Variants in LRCH3 observed in about 807,000 individuals in gnomAD.
LRCH3 encodes the protein DISP complex protein LRCH3.
LRCH3 carries 68 observed loss-of-function variants against 104.5 expected under a neutral mutation model. That is an observed-to-expected ratio of 0.65 (90% CI 0.54 to 0.80). LRCH3 has a LOEUF of 0.80. Ranked by LOEUF, LRCH3 falls within the 30% of genes least tolerant of loss-of-function variation. LRCH3 has a pLI of 0.00. For synonymous variants in LRCH3, 344 were observed against 361.3 expected (o/e 0.95, Z 0.54); for missense variants, 951 against 953.9 (o/e 1.00, Z 0.04).
chr3:197,809,438 T>G (rs1732871823), intron 1 of LRCH3, among the ~76,000 whole-genome samples: 1 of 152,248 alleles, frequency 6.6e-6, no homozygotes, highest in Non-Finnish European at 1.5e-5. Flanking sequence ...CTTGCCAAAC[T>G]TAGGAAGCTT....
In LRCH3 at chr3:197,885,225, T is replaced by C. The variant is rs573185338; in HGVS notation, c.*1559T>C. The C allele has an allele frequency of 1.5e-4, 23 of 152,394 alleles. No homozygotes were observed. Among genetic ancestry groups the C allele is most frequent in the African/African-American group, 5.5e-4 (23 of 41,586 alleles). 9.4% of individuals were successfully genotyped at this position (152,394 alleles called of 1,614,324 possible). A position where few individuals can be genotyped will look rare whatever the true frequency, so the allele number is the denominator to read the frequency against. On this transcript the variant is annotated 3_prime_UTR_variant, in exon 21 of 21. Coordinates refer to ENST00000425562, the MANE Select transcript of LRCH3 (RefSeq NM_001365715.1). ...ATCTGGGCCTGCAGACACATTGCAG[T>C]TACAGCACATACACTTCTAGCTCGG... is the stretch of plus-strand genomic sequence containing the variant.
Position 197,830,774 on chromosome 3 carries a change from G to A in LRCH3, c.892G>A (p.Glu298Lys), listed in dbSNP as rs745547740. The A allele has an allele frequency of 6.2e-7, 1 of 1,613,142 alleles. No individual in the cohort carries two copies. The highest frequency in any genetic ancestry group is 1.7e-5 in the Admixed American group (1 of 59,932). Residue 298 changes from glutamate to lysine, a missense_variant, in exon 7 of 21, where the codon GAA becomes AAA. Coordinates refer to ENST00000425562, the MANE Select transcript of LRCH3 (RefSeq NM_001365715.1). ...AACAGAGTCTCTTTTCGGCAGCCATGAAGAACTGTACTCAAGTCGCCCTTA... is the reference window on the plus strand; with the variant it reads ...AACAGAGTCTCTTTTCGGCAGCCATAAAGAACTGTACTCAAGTCGCCCTTA... ...RRPLGFGSCH[E>K]ELYSSRPYGA...
At position 197,875,710 on chromosome 3, in the gene LRCH3, A is replaced by G; in HGVS notation, c.2143A>G (p.Met715Val). 2 of 1,534,536 alleles carry G rather than the reference A, an allele frequency of 1.3e-6. No individual in the cohort carries two copies. Among genetic ancestry groups the G allele is most frequent in the East Asian group, 2.4e-5 (1 of 40,914 alleles). ...VPSPAVPKLT[M>V]AKCRRNVENF... Reference sequence around the variant, plus strand: ...TTCCTCATTTCAGCCTAAATTAACAATGGCGAAATGCAGGCGAAATGTGGA... The same window carrying G: ...TTCCTCATTTCAGCCTAAATTAACAGTGGCGAAATGCAGGCGAAATGTGGA... The change falls in exon 20 of 21, where the codon ATG (methionine) becomes GTG (valine). Residue 715 changes from methionine to valine, a missense_variant. Coordinates refer to ENST00000425562, the MANE Select transcript of LRCH3 (RefSeq NM_001365715.1).
At chr3:197,839,537 G>A (rs190018020) in intron 10 of LRCH3, 140 bp downstream of exon 10, 3 of 519,628 alleles carry the variant, frequency 5.8e-6, no homozygotes, top group Admixed American at 4.1e-5. Flanking sequence ...GTGCTTTTTT[G>A]TACTCATGCC....
At chr3:197,796,667 A>G (rs1731240892) in intron 1 of LRCH3, among the ~76,000 whole-genome samples, 1 of 152,198 alleles carries the variant, frequency 6.6e-6, no homozygotes, top group African/African-American at 2.4e-5. Flanking sequence ...AGTTGTAAAT[A>G]CTATTTTTGA....
intron 1 of LRCH3, among the ~76,000 whole-genome samples, chr3:197,797,780 T>C (rs1461479977): frequency 2.1e-5 from 3 of 144,968 alleles, no homozygotes; most frequent in Admixed American, 7.2e-5. Context: ...GAATCGCTTG[T>C]GCCGGGGAGG....
chr3:197,847,934 A>G lies in LRCH3; in HGVS notation c.1443A>G (p.Arg481=). 1 of 1,614,094 alleles carries G rather than the reference A, an allele frequency of 6.2e-7. No homozygotes were observed. Among genetic ancestry groups the G allele is most frequent in the Non-Finnish European group, 8.5e-7 (1 of 1,179,976 alleles). The change falls in exon 12 of 21, where the codon AGA becomes AGG. Residue 481 remains arginine, a synonymous_variant. Transcript: ENST00000425562. Reference sequence around the variant, plus strand: ...AGCAGTTAGTAGAGCGCACTCGGAGAGAGGCTCAGCTTGCTGCCCTGCAGT... The same window carrying G: ...AGCAGTTAGTAGAGCGCACTCGGAGGGAGGCTCAGCTTGCTGCCCTGCAGT... ...RREQLVERTR[R]EAQLAALQYE... is the part of the protein sequence containing the mutation.
chr3:197,792,747 G>GT (rs1730761237), intron 1 of LRCH3, among the ~76,000 whole-genome samples: 1 of 148,426 alleles, frequency 6.7e-6, no homozygotes, highest in African/African-American at 2.5e-5. Context: ...TGCCTCCCAG[G>GT]CTCAGGTGAT....
At chr3:197,805,958 C>T (rs937416066) in intron 1 of LRCH3, among the ~76,000 whole-genome samples, 3 of 151,902 alleles carry the variant, frequency 2.0e-5, no homozygotes, top group Admixed American at 6.6e-5. Flanking sequence ...CGGAATTTCA[C>T]TCTTGTTGCC....
At chr3:197,815,252 C>T (rs757379017) in intron 2 of LRCH3, among the ~76,000 whole-genome samples, 200 bp downstream of exon 2, 27 of 152,040 alleles carry the variant, frequency 1.8e-4, no homozygotes, top group Non-Finnish European at 3.2e-4. Context: ...ACAGATGCTC[C>T]CTGACTTACT....
chr3:197,834,550 C>T (rs1445025707), intron 8 of LRCH3, among the ~76,000 whole-genome samples: 1 of 152,148 alleles, frequency 6.6e-6, no homozygotes, highest in Non-Finnish European at 1.5e-5. Context: ...TTGTGTGTGG[C>T]CTTTGACTTT....
At chr3:197,825,482 T>TC (rs1735070834) in intron 4 of LRCH3, among the ~76,000 whole-genome samples, 1 of 101,420 alleles carries the variant, frequency 9.9e-6, no homozygotes, top group African/African-American at 3.9e-5. Flanking sequence ...TTTTTTTTTT[T>TC]TTTTTTTTTT....
chr3:197,839,897 G>A (rs1473927104), intron 10 of LRCH3, among the ~76,000 whole-genome samples: 1 of 151,724 alleles, frequency 6.6e-6, no homozygotes, highest in Non-Finnish European at 1.5e-5. Context: ...CGCTCGAACT[G>A]GGAGGGTGAG....
At chr3:197,835,527 T>G in intron 8 of LRCH3, 147 bp from the exon 9 acceptor site, 1 of 975,000 alleles carries the variant, frequency 1.0e-6, no homozygotes, top group Non-Finnish European at 1.4e-6. Context: ...AAGACTTAAG[T>G]AATTTAAAGT....
At position 197,875,771 on chromosome 3, in the gene LRCH3, C is replaced by G. The variant is rs770589838; in HGVS notation, c.2204C>G (p.Pro735Arg). 1 of 1,527,268 alleles carries G rather than the reference C, an allele frequency of 6.5e-7. No homozygotes were observed. The highest frequency in any genetic ancestry group is 1.2e-5 in the South Asian group (1 of 83,700). 94.6% of individuals were successfully genotyped at this position (1,527,268 alleles called of 1,614,324 possible). The change falls in exon 20 of 21, where the codon CCT becomes CGT. Residue 735 changes from proline to arginine, a missense_variant. By Grantham distance (103) the Pro-to-Arg change is moderately radical. Transcript: ENST00000425562. Reference sequence around the variant, plus strand: ...GAAGCTTGCAGAAAAATTGGTGTACCTCAGGTAATAAATTTATCATTTTTT... The same window carrying G: ...GAAGCTTGCAGAAAAATTGGTGTACGTCAGGTAATAAATTTATCATTTTTT... ...FLEACRKIGVPQEQLCLPLHI... is the reference protein window; with the variant it reads ...FLEACRKIGVRQEQLCLPLHI...
intron 12 of LRCH3, among the ~76,000 whole-genome samples, chr3:197,849,406 C>T (rs1423549472): frequency 6.6e-6 from 1 of 151,518 alleles, no homozygotes; most frequent in Admixed American, 6.6e-5. Flanking sequence ...GATGTTTCTT[C>T]TTTTTGTGCC....
chr3:197,875,657 C>G, intron 19 of LRCH3, 41 bp from the exon 20 acceptor site: 1 of 1,479,256 alleles, frequency 6.8e-7, no homozygotes, highest in Middle Eastern at 2.2e-4. Context: ...GTCCCAGAAA[C>G]AAAACTTCTC....
In LRCH3 at chr3:197,824,151, G is replaced by A. The variant is rs1183908271; in HGVS notation, c.641-2727G>A. 5.3e-5 allele frequency among the ~76,000 whole-genome samples: 8 copies of A among 151,294 alleles called. No homozygotes were observed. The East Asian group carries it at 9.7e-4, about 18-fold the overall frequency. ...ATGATCTTGGCTCACTGCAGCCTCC[G>A]CCTCTCGGGTTCAAGCAATTCTCCT... On this transcript the variant is annotated intron_variant, in intron 4 of 20. Transcript: ENST00000425562.
At position 197,858,953 on chromosome 3, in the gene LRCH3, A is replaced by G. The variant is rs746708394; in HGVS notation, c.1716+48A>G. 7.6e-6 allele frequency: 11 copies of G among 1,446,580 alleles called. No individual in the cohort carries two copies. In the African/African-American group the frequency reaches 1.5e-4, roughly 20 times the overall value. 89.6% of individuals were successfully genotyped at this position (1,446,580 alleles called of 1,614,324 possible). ...ACCAGGAAGTTTGGGGAGGAGGTGGATATAAGGTCTTGAATTTTTTGGTGA... is the reference window on the plus strand; with the variant it reads ...ACCAGGAAGTTTGGGGAGGAGGTGGGTATAAGGTCTTGAATTTTTTGGTGA... On this transcript the variant is annotated intron_variant, in intron 15 of 20. Coordinates refer to ENST00000425562, the MANE Select transcript of LRCH3 (RefSeq NM_001365715.1).
Sources: allele counts gnomAD v4.1 joint callset (sites outside exome capture counted in the v4.1 genomes callset), GRCh38; gene constraint gnomAD v4.1.1; transcripts MANE v1.5; gene names NCBI Gene and HGNC (gene_info 2026-07-23, HGNC 2026-07-21).